Variants in LEPR observed in about 807,000 individuals in gnomAD.
LEPR encodes the protein leptin receptor.
A neutral mutation model predicts 114.7 loss-of-function variants in LEPR; 56 were observed. The ratio of observed to expected loss-of-function variants is 0.49; its 90% CI spans 0.39 to 0.61. LEPR has a LOEUF of 0.61. LEPR is among the 20% of genes least tolerant of loss of function. The pLI is 0.00. For missense variants in LEPR, 1,202 were observed against 1,352.9 expected (o/e 0.89, Z 1.75); for synonymous variants, 443 against 461.4 (o/e 0.96, Z 0.51).
chr1:65,566,773 G>C (rs1653792764), intron 3 of LEPR, among the ~76,000 whole-genome samples: 1 of 152,152 alleles, frequency 6.6e-6, no homozygotes, highest in African/African-American at 2.4e-5. Flanking sequence ...CCAATCTAAA[G>C]GGGCTCTTCT....
chr1:65,429,364 A>G (rs982938726), intron 2 of LEPR, among the ~76,000 whole-genome samples: 1 of 152,196 alleles, frequency 6.6e-6, no homozygotes, highest in African/African-American at 2.4e-5. Flanking sequence ...GATTAAGCAA[A>G]TGAAGGGAAA....
At chr1:65,510,023 C>T (rs1648951428) in intron 2 of LEPR, among the ~76,000 whole-genome samples, 1 of 152,128 alleles carries the variant, frequency 6.6e-6, no homozygotes, top group African/African-American at 2.4e-5. Context: ...TTATTTCTTC[C>T]TTTATCTGGT....
At chr1:65,512,522 A>T (rs1357711721) in intron 2 of LEPR, among the ~76,000 whole-genome samples, 2 of 152,164 alleles carry the variant, frequency 1.3e-5, no homozygotes, top group East Asian at 1.9e-4. Context: ...CCCAGATCCC[A>T]GAATGGTGCT....
chr1:65,451,978 T>G (rs1048503210), intron 2 of LEPR, among the ~76,000 whole-genome samples: 2 of 150,292 alleles, frequency 1.3e-5, no homozygotes, highest in African/African-American at 2.5e-5. Context: ...TAGTTCTCCT[T>G]GAAGAGGTCC....
chr1:65,511,415 C>CAT (rs1341414447), intron 2 of LEPR, among the ~76,000 whole-genome samples: 2 of 139,802 alleles, frequency 1.4e-5, no homozygotes, highest in African/African-American at 5.2e-5. Context: ...CTCTAGTGTT[C>CAT]ATATATATAT....
intron 2 of LEPR, among the ~76,000 whole-genome samples, chr1:65,518,907 TTCTTTCTTTCTC>T (rs1356574259): frequency 8.4e-6 from 1 of 119,140 alleles, no homozygotes; most frequent in Non-Finnish European, 1.7e-5. Context: ...CTTTCTTTCT[TTCTTTCTTTCTC>T]TCTTTCTCTG....
intron 2 of LEPR, among the ~76,000 whole-genome samples, chr1:65,537,079 A>G (rs1245823086): frequency 1.3e-5 from 2 of 152,198 alleles, no homozygotes; most frequent in Non-Finnish European, 2.9e-5. Flanking sequence ...CTATAAATTT[A>G]AACAATGATG....
In LEPR at chr1:65,474,986, G is replaced by A. The variant is rs1416577359; in HGVS notation, c.-21+49608G>A. On this transcript the variant is annotated intron_variant, in intron 2 of 19. Transcript: ENST00000349533. ...CGCACCATTGTACTCCAGTCTGGGC[G>A]ACAGTGCGAGACTCCATCTCAAAAA... is the stretch of plus-strand genomic sequence containing the variant. Among the ~76,000 whole-genome samples the A allele has an allele frequency of 5.9e-5, 7 of 118,312 alleles. No individual in the cohort carries two copies. In the East Asian group the frequency reaches 9.7e-4, roughly 16 times the overall value. The allele number at this position is 118,312 out of a possible 152,430, so 77.6% of individuals were successfully genotyped here.
chr1:65,470,178 T>C (rs1647065381), intron 2 of LEPR, among the ~76,000 whole-genome samples: 1 of 152,376 alleles, frequency 6.6e-6, no homozygotes, highest in East Asian at 1.9e-4. Context: ...AATAGCATTC[T>C]ATTTTAAACA....
intron 14 of LEPR, among the ~76,000 whole-genome samples, chr1:65,612,167 T>C (rs1323840285): frequency 1.3e-5 from 2 of 152,206 alleles, no homozygotes. Context: ...AGGATAAGTA[T>C]GGCACTTTTT....
chr1:65,573,302 G>A (rs1234858564), intron 5 of LEPR, among the ~76,000 whole-genome samples: 1 of 152,164 alleles, frequency 6.6e-6, no homozygotes, highest in East Asian at 1.9e-4. Context: ...ACCTTACAAA[G>A]ATATTGCAGG....
At chr1:65,572,593 T>C (rs1258984763) in intron 5 of LEPR, 144 bp downstream of exon 5, 1 of 913,968 alleles carries the variant, frequency 1.1e-6, no homozygotes, top group East Asian at 2.9e-5. Flanking sequence ...TCTGCTCTGT[T>C]AGGTTTCCTC....
intron 2 of LEPR, among the ~76,000 whole-genome samples, chr1:65,484,373 T>C (rs10158579): frequency 0.19 from 29,440 of 152,156 alleles, 3,458 homozygotes; most frequent in African/African-American, 0.33. Context: ...TTTTGTTACA[T>C]ATACATGCCT....
chr1:65,509,069 G>A (rs541443692), intron 2 of LEPR, among the ~76,000 whole-genome samples: 1 of 152,018 alleles, frequency 6.6e-6, no homozygotes, highest in Admixed American at 6.6e-5. Flanking sequence ...TAGTTTATGA[G>A]TTTTATTAAT....
chr1:65,617,926 T>A, intron 15 of LEPR, 38 bp from the exon 16 acceptor site: 1 of 1,567,674 alleles, frequency 6.4e-7, no homozygotes, highest in South Asian at 1.2e-5. Context: ...TTTTATTAAT[T>A]TTTAATTTAA....
chr1:65,507,027 G>T (rs1242328173), intron 2 of LEPR, among the ~76,000 whole-genome samples: 1 of 152,064 alleles, frequency 6.6e-6, no homozygotes, highest in Non-Finnish European at 1.5e-5. Context: ...ACATAAAAGT[G>T]GGGTATTTGT....
chr1:65,426,948 A>G (rs1164851265), intron 2 of LEPR, among the ~76,000 whole-genome samples: 2 of 152,154 alleles, frequency 1.3e-5, no homozygotes, highest in Admixed American at 6.5e-5. Context: ...TAGTGAGCCA[A>G]GATCGTGCCA....
chr1:65,515,951 C>T (rs1190456257), intron 2 of LEPR, among the ~76,000 whole-genome samples: 1 of 152,168 alleles, frequency 6.6e-6, no homozygotes, highest in Non-Finnish European at 1.5e-5. Context: ...AACTCAGATT[C>T]TCCTGATTTG....
At chr1:65,556,676 T>G (rs756732700) in intron 2 of LEPR, among the ~76,000 whole-genome samples, 1 of 152,110 alleles carries the variant, frequency 6.6e-6, no homozygotes, top group African/African-American at 2.4e-5. Context: ...AGAATGCCTC[T>G]TTGAAGGTTG....
Sources: allele counts gnomAD v4.1 joint callset (sites outside exome capture counted in the v4.1 genomes callset), GRCh38; gene constraint gnomAD v4.1.1; transcripts MANE v1.5; gene names NCBI Gene and HGNC (gene_info 2026-07-23, HGNC 2026-07-21).